The following BRWD1 variants were observed in gnomAD, a reference collection of about 807,000 sequenced individuals.
The protein encoded by BRWD1 is bromodomain and WD repeat domain containing 1, also known as bromodomain and WD repeat-containing protein 1.
A neutral mutation model predicts 251.2 loss-of-function variants in BRWD1; 82 were observed. The observed-to-expected ratio is 0.33, with a 90% CI of 0.27 to 0.39. BRWD1 has a LOEUF of 0.39. BRWD1 is among the 10% of genes least tolerant of loss of function. The pLI, the probability that BRWD1 is intolerant of heterozygous loss-of-function variation, is 1.00. For synonymous variants in BRWD1, 918 were observed against 902.8 expected, an observed-to-expected ratio of 1.02 and a Z score of -0.30; for missense variants, 2,233 against 2,711.6, an observed-to-expected ratio of 0.82 and a Z score of 3.92.
chr21:39,217,080 TA>T (rs1419208144), intron 31 of BRWD1: 335 of 13,178 alleles, frequency 0.025, 1 homozygote, highest in East Asian at 0.08. Flanking sequence ...TATATATATA[TA>T]TATTTTTTTT....
Position 39,272,062 on chromosome 21 carries a change from T to A in BRWD1, c.1245-1629A>T, listed in dbSNP as rs555390890. 2.5e-4 allele frequency among the ~76,000 whole-genome samples: 37 copies of A among 145,766 alleles called. No homozygotes were observed. In the South Asian group the frequency reaches 7.7e-3, roughly 30 times the overall value. On this transcript the variant is annotated intron_variant, in intron 13 of 40. Coordinates refer to ENST00000342449, the MANE Select transcript of BRWD1 (RefSeq NM_033656.4). ...GAGTGTTATAAAACAGCTATCTATG[T>A]AATTACAAAAAAAAAACACACAGAA...
intron 13 of BRWD1, among the ~76,000 whole-genome samples, chr21:39,271,527 A>C (rs1419298841): frequency 6.6e-6 from 1 of 151,136 alleles, no homozygotes; most frequent in African/African-American, 2.4e-5. Flanking sequence ...GTCTCTACTA[A>C]AAATACAAAA....
chr21:39,316,868 G>A (rs572497252), upstream of BRWD1, among the ~76,000 whole-genome samples: 2 of 151,994 alleles, frequency 1.3e-5, no homozygotes, highest in African/African-American at 4.8e-5. Flanking sequence ...AGCCGGGGGG[G>A]ATTGACGCTG....
At chr21:39,209,086 CAAGTGGAGTCTGCA>C (rs770866181) in intron 36 of BRWD1, among the ~76,000 whole-genome samples, 55 of 152,026 alleles carry the variant, frequency 3.6e-4, no homozygotes, top group Admixed American at 1.2e-3. Flanking sequence ...CCAGTATGGC[CAAGTGGAGTCTGCA>C]AAGAATGAGC....
rs780607564 is a variant in BRWD1, at chr21:39,206,125, C to T, written c.4347G>A (p.Gln1449=). ...KQRQNCKGDS[Q]PNKSIRNLKP... is the part of the protein sequence containing the mutation. Reference sequence around the variant, plus strand: ...CAGTTTACCTGATACTTTTGTTAGGCTGACTGTCACCTTTACAATTTTGCC... The same window carrying T: ...CAGTTTACCTGATACTTTTGTTAGGTTGACTGTCACCTTTACAATTTTGCC... The change falls in exon 37 of 41, where the codon CAG becomes CAA. Residue 1449 remains glutamine (Q), a synonymous_variant. Coordinates refer to ENST00000342449, the MANE Select transcript of BRWD1 (RefSeq NM_033656.4). The T allele has an allele frequency of 6.2e-7, 1 of 1,609,422 alleles. No individual in the cohort carries two copies.
In BRWD1 at chr21:39,296,035, C is replaced by T. The variant is rs991072835; in HGVS notation, c.449-132G>A. The T allele has an allele frequency of 2.0e-5, 15 of 757,650 alleles. No homozygotes were observed. The Admixed American group carries it at 2.2e-4, about 11-fold the overall frequency. The allele number at this position is 757,650 out of a possible 1,614,324, so 46.9% of individuals were successfully genotyped here. On this transcript the variant is annotated intron_variant, in intron 6 of 40. Coordinates refer to ENST00000342449, the MANE Select transcript of BRWD1 (RefSeq NM_033656.4). The stretch of plus-strand genomic sequence containing the variant: ...AAGCCCTAATGACACAATTTCTTCC[C>T]AATTCTATTCTTCTGTATTCAGTAA...
chr21:39,214,409 ATATACTCTATAAAATAAGTAACATAAC>A (rs1216922556), intron 32 of BRWD1, among the ~76,000 whole-genome samples: 43 of 152,304 alleles, frequency 2.8e-4, no homozygotes, highest in African/African-American at 9.6e-4. Context: ...ATCCAATTAA[ATATACTCTATAAAATAAGTAACATAAC>A]TATACTCTAT....
intron 29 of BRWD1, among the ~76,000 whole-genome samples, chr21:39,223,392 G>T (rs1012303438): frequency 1.3e-5 from 2 of 151,990 alleles, no homozygotes; most frequent in Non-Finnish European, 2.9e-5. Context: ...ATTATAAAAA[G>T]AGAAAAACAT....
At chr21:39,223,212 CTGTA>C (rs1410809202) in intron 29 of BRWD1, among the ~76,000 whole-genome samples, 1 of 152,066 alleles carries the variant, frequency 6.6e-6, no homozygotes, top group Non-Finnish European at 1.5e-5. Context: ...AATGTGCTAG[CTGTA>C]TAAGAAGGGA....
chr21:39,206,213 G>C lies in BRWD1; in HGVS notation c.4259C>G (p.Ser1420Cys). ...LFEEKMKKIS[S>C]DFKIGQKFNE... ...GAATTTTTGACCAATTTTAAAATCA[G>C]AAGAGATTTTCTTCATTTTTTCTTC... Residue 1420 changes from serine to cysteine, a missense_variant, in exon 37 of 41, where the codon TCT becomes TGT. Around this residue, in one of 12 missense-constraint regions of BRWD1, gnomAD observed 69 missense variants for 101.6 expected, o/e 0.68. Transcript: ENST00000342449. The C allele has an allele frequency of 6.2e-7, 1 of 1,610,802 alleles. No individual in the cohort carries two copies.
chr21:39,310,147 T>C (rs537657117), intron 4 of BRWD1, among the ~76,000 whole-genome samples: 1 of 152,218 alleles, frequency 6.6e-6, no homozygotes, highest in Non-Finnish European at 1.5e-5. Flanking sequence ...AAGATGTCCA[T>C]TGATAGTTTC....
intron 22 of BRWD1, among the ~76,000 whole-genome samples, 194 bp downstream of exon 22, chr21:39,238,285 C>CAAAAAA (rs58179212): frequency 8.2e-6 from 1 of 122,366 alleles, no homozygotes; most frequent in African/African-American, 3.0e-5. Context: ...TGCTTAAAGT[C>CAAAAAA]AAAAAAAAAA....
chr21:39,282,105 T>G (rs745422876), intron 8 of BRWD1, among the ~76,000 whole-genome samples: 2 of 151,772 alleles, frequency 1.3e-5, no homozygotes, highest in Non-Finnish European at 2.9e-5. Flanking sequence ...TATAAACATA[T>G]ATATAAAATA....
rs11320601 is a variant in BRWD1, at chr21:39,302,754, T to TA, written c.199-4173dup. Among the ~76,000 whole-genome samples the TA allele has an allele frequency of 3.1e-3, 380 of 122,600 alleles. 1 individual carries two copies. The highest frequency in any genetic ancestry group is 8.5e-3 in the Middle Eastern group (2 of 236). 80.4% of individuals were successfully genotyped at this position (122,600 alleles called of 152,430 possible). ...TAGGTGACAGAGTGAGACTCCGTCTTAAAAAAAAAAAAAAAAAAAGTAAGG... is the reference window on the plus strand; with the variant it reads ...TAGGTGACAGAGTGAGACTCCGTCTTAAAAAAAAAAAAAAAAAAAAGTAAGG... On this transcript the variant is annotated intron_variant, in intron 4 of 40. Coordinates refer to ENST00000342449, the MANE Select transcript of BRWD1 (RefSeq NM_033656.4).
At chr21:39,310,893 T>C (rs932546926) in intron 4 of BRWD1, among the ~76,000 whole-genome samples, 5 of 151,980 alleles carry the variant, frequency 3.3e-5, no homozygotes, top group African/African-American at 4.8e-5. Context: ...TTAAAAGACT[T>C]TGAAAGTTTA....
chr21:39,197,497 A>C, intron 40 of BRWD1, 82 bp from the exon 41 acceptor site: 11 of 1,161,062 alleles, frequency 9.5e-6, no homozygotes, highest in Non-Finnish European at 1.3e-5. Context: ...CAAGTTCAGA[A>C]TTCGTATTAA....
intron 29 of BRWD1, among the ~76,000 whole-genome samples, chr21:39,222,730 C>G (rs13049280): frequency 0.25 from 37,977 of 152,002 alleles, 5,773 homozygotes; most frequent in Non-Finnish European, 0.35. Context: ...TTATTTGAGG[C>G]AAGAATTATC....
intron 8 of BRWD1, among the ~76,000 whole-genome samples, chr21:39,284,550 A>C (rs945364750): frequency 6.6e-6 from 1 of 152,232 alleles, no homozygotes; most frequent in Non-Finnish European, 1.5e-5. Flanking sequence ...CCAAAAGTGC[A>C]TAAGAGTTCC....
At chr21:39,185,306 A>AAAAAAAAAAAAAAAAAAAC (rs2031161706), downstream of BRWD1, 1 of 149,894 alleles carries the variant, frequency 6.7e-6, no homozygotes, top group Non-Finnish European at 1.5e-5. Flanking sequence ...AAAAAAAAAA[A>AAAAAAAAAAAAAAAAAAAC]AAAAAAAAAA....
Sources: allele counts gnomAD v4.1 joint callset (sites outside exome capture counted in the v4.1 genomes callset), GRCh38; gene constraint gnomAD v4.1.1; regional missense constraint gnomAD v4.1.1; transcripts MANE v1.5; gene names NCBI Gene and HGNC (gene_info 2026-07-23, HGNC 2026-07-21).